The following NUP88 variants were observed in gnomAD, a reference collection of about 807,000 sequenced individuals.
The protein encoded by NUP88 is nucleoporin 88.
A neutral mutation model predicts 93.9 loss-of-function variants in NUP88; 57 were observed. The observed-to-expected ratio is 0.61, with a 90% confidence interval of 0.49 to 0.76. The LOEUF is 0.76. Ranked by LOEUF, NUP88 falls within the 30% of genes least tolerant of loss-of-function variation. NUP88 has a pLI of 0.00. For synonymous variants in NUP88, 346 were observed against 336.8 expected, an observed-to-expected ratio of 1.03 and a Z score of -0.30; for missense variants, 911 against 901.0, an observed-to-expected ratio of 1.01 and a Z score of -0.14.
intron 5 of NUP88, among the ~76,000 whole-genome samples, chr17:5,407,334 G>A (rs1377139530): frequency 6.6e-6 from 1 of 152,170 alleles, no homozygotes; most frequent in Non-Finnish European, 1.5e-5. Flanking sequence ...CACTCCTGAA[G>A]AACCCGGTGA....
At chr17:5,409,613 T>C (rs1175788679) in intron 4 of NUP88, among the ~76,000 whole-genome samples, 1 of 152,192 alleles carries the variant, frequency 6.6e-6, no homozygotes, top group East Asian at 1.9e-4. Context: ...GCACCTACTC[T>C]GTGCCAGGTA....
At chr17:5,388,031 C>T (rs886572560) in intron 11 of NUP88, 127 bp from the exon 12 acceptor site, 19 of 964,798 alleles carry the variant, frequency 2.0e-5, no homozygotes, top group Admixed American at 1.8e-4. Flanking sequence ...GATGCAGTCT[C>T]GCTCTGTCAC....
At chr17:5,389,002 T>C (rs1912239677) in intron 10 of NUP88, 42 bp from the exon 11 acceptor site, 1 of 1,463,988 alleles carries the variant, frequency 6.8e-7, no homozygotes, top group Non-Finnish European at 9.3e-7. Flanking sequence ...CATGGAGTGA[T>C]TTACTGTATT....
chr17:5,394,004 G>A (rs1456608328), intron 9 of NUP88, among the ~76,000 whole-genome samples: 2 of 152,092 alleles, frequency 1.3e-5, no homozygotes, highest in African/African-American at 4.8e-5. Flanking sequence ...CAGAAAAATG[G>A]GACACAGGAG....
intron 9 of NUP88, 103 bp downstream of exon 9, chr17:5,394,786 ACT>A: frequency 1.3e-6 from 1 of 774,622 alleles, no homozygotes; most frequent in Non-Finnish European, 2.2e-6. Context: ...CTTTCAAATG[ACT>A]CAGCAGTGAA....
At chr17:5,407,513 C>G (rs1208648855) in intron 5 of NUP88, among the ~76,000 whole-genome samples, 1 of 152,190 alleles carries the variant, frequency 6.6e-6, no homozygotes, top group Non-Finnish European at 1.5e-5. Context: ...CGAATAAACT[C>G]TAATGCTCAG....
Position 5,419,337 on chromosome 17 carries a change from G to A in NUP88, c.297+17C>T. The A allele has an allele frequency of 1.3e-6, 2 of 1,540,428 alleles. No individual in the cohort carries two copies. The highest frequency in any genetic ancestry group is 2.8e-5 in the African/African-American group (2 of 71,894). The stretch of plus-strand genomic sequence containing the variant: ...CGATCCCGGTGAGGGTCACTTCCAA[G>A]ATCGGCCTGGCATTACCTGGTACTG... On this transcript the variant is annotated intron_variant, in intron 1 of 16. Coordinates refer to ENST00000573584, the MANE Select transcript of NUP88 (RefSeq NM_002532.6).
intron 5 of NUP88, among the ~76,000 whole-genome samples, chr17:5,406,296 T>C (rs1913484969): frequency 6.6e-6 from 1 of 152,112 alleles, no homozygotes; most frequent in Non-Finnish European, 1.5e-5. Flanking sequence ...TTATGCAAAG[T>C]CCTGGAAACA....
At position 5,387,424 on chromosome 17, in the gene NUP88, A is replaced by T; in HGVS notation, c.1878T>A (p.Tyr626Ter). ...CCTCTTGTTTTTCTTTAGCTTCCTC[A>T]TATTTGTCAGCTAAACGCTCAGCCA... Reference protein sequence around the residue: ...REMAERLADKYEEAKEKQEDI... With the variant: ...REMAERLADK Residue 626 changes from tyrosine (Y) to a stop codon, truncating the protein, a stop_gained, in exon 14 of 17, where the codon TAT becomes TAA. Transcript: ENST00000573584. LOFTEE classifies it high-confidence loss of function. 1 of 1,614,118 alleles carries T rather than the reference A, an allele frequency of 6.2e-7. No homozygotes were observed. Among genetic ancestry groups the T allele is most frequent in the Non-Finnish European group, 8.5e-7 (1 of 1,180,014 alleles).
At position 5,388,823 on chromosome 17, in the gene NUP88, A is replaced by C. The variant is rs1912221904; in HGVS notation, c.1622T>G (p.Val541Gly). 6.2e-7 allele frequency: 1 copy of C among 1,614,038 alleles called. No individual in the cohort carries two copies. Among genetic ancestry groups the C allele is most frequent in the South Asian group, 1.1e-5 (1 of 91,050 alleles). ...ATACTTCAAAAATGCTGGATTGGCA[A>C]CACTACGTTGCAAAATGCTTCTAAT... ...KHIRSILQRS[V>G]ANPAFLKASE... is the part of the protein sequence containing the mutation. Residue 541 changes from valine to glycine, a missense_variant, in exon 11 of 17, where the codon GTT (valine) becomes GGT (glycine). Coordinates refer to ENST00000573584, the MANE Select transcript of NUP88 (RefSeq NM_002532.6).
Position 5,386,182 on chromosome 17 carries a change from GGT to G in NUP88, c.*22_*23del, listed in dbSNP as rs1491112328. On this transcript the variant is annotated 3_prime_UTR_variant, in exon 17 of 17. Transcript: ENST00000573584. ...TAAGCCTTCAATGGTGTTCAGTTCAGGTGTGAGTCAGCTCCTGGTGGTGTCAG... is the reference window on the plus strand; with the variant it reads ...TAAGCCTTCAATGGTGTTCAGTTCAGGTGAGTCAGCTCCTGGTGGTGTCAG... 1 of 1,589,358 alleles carries G rather than the reference GGT, an allele frequency of 6.3e-7. No homozygotes were observed. The highest frequency in any genetic ancestry group is 1.3e-5 in the African/African-American group (1 of 74,298).
intron 2 of NUP88, among the ~76,000 whole-genome samples, chr17:5,414,495 C>T (rs72839518): frequency 0.013 from 1,982 of 152,242 alleles, 19 homozygotes; most frequent in Non-Finnish European, 0.022. Context: ...ACGCCAGGCC[C>T]TGAAGAAATT....
chr17:5,419,645 C>T lies in NUP88; in HGVS notation c.6G>A (p.Ala2=). 1 of 1,587,616 alleles carries T rather than the reference C, an allele frequency of 6.3e-7. No homozygotes were observed. Among genetic ancestry groups the T allele is most frequent in the Non-Finnish European group, 8.6e-7 (1 of 1,166,708 alleles). Residue 2 remains alanine (A), a synonymous_variant, in exon 1 of 17, where the codon GCG becomes GCA. Coordinates refer to ENST00000573584, the MANE Select transcript of NUP88 (RefSeq NM_002532.6). M[A]AAEGPVGDGE... ...CGTCGCCCACCGGTCCCTCGGCGGC[C>T]GCCATCTTGGCCCAACTGCTCCCCT...
At chr17:5,403,596 G>A (rs2151641935) in intron 7 of NUP88, among the ~76,000 whole-genome samples, 1 of 152,212 alleles carries the variant, frequency 6.6e-6, no homozygotes, top group South Asian at 2.1e-4. Flanking sequence ...GGAGATGGAG[G>A]TTGCAGTGAG....
chr17:5,398,011 A>T (rs982670533), intron 8 of NUP88, among the ~76,000 whole-genome samples: 3 of 150,492 alleles, frequency 2.0e-5, no homozygotes, highest in Non-Finnish European at 4.4e-5. Flanking sequence ...GGTTCAAGCG[A>T]TTCTCCTGTC....
rs769164896 is a variant in NUP88, at chr17:5,386,167, A to G, written c.*39T>C. Reference sequence around the variant, plus strand: ...TTTACAATATGGGTTTAAGCCTTCAATGGTGTTCAGTTCAGGTGTGAGTCA... The same window carrying G: ...TTTACAATATGGGTTTAAGCCTTCAGTGGTGTTCAGTTCAGGTGTGAGTCA... On this transcript the variant is annotated 3_prime_UTR_variant, in exon 17 of 17. Transcript: ENST00000573584. 8.6e-6 allele frequency: 13 copies of G among 1,512,174 alleles called. No individual in the cohort carries two copies. Among genetic ancestry groups the G allele is most frequent in the Admixed American group, 3.7e-5 (2 of 54,520 alleles). 93.7% of individuals were successfully genotyped at this position (1,512,174 alleles called of 1,614,324 possible).
Position 5,387,092 on chromosome 17 carries a change from GT to G in NUP88, c.1934del (p.His645ProfsTer17). 2 of 1,613,738 alleles carry G rather than the reference GT, an allele frequency of 1.2e-6. No homozygotes were observed. The highest frequency in any genetic ancestry group is 1.3e-5 in the African/African-American group (1 of 75,026). On this transcript the variant is annotated frameshift_variant, in exon 15 of 17. Transcript: ENST00000573584. LOFTEE classifies it high-confidence loss of function. ...GAACTGGGAGCTCAGAGTGAAAACT[GT>G]GAAGTAGTTTTTTCATCCTTTAGAA... is the stretch of plus-strand genomic sequence containing the variant. ...DIMNRMKKLL[H>X]SFHSELPVLS...
rs1396162133 is a variant in NUP88, at chr17:5,387,643, C to CT, written c.1796dup (p.Lys600GlufsTer21). On this transcript the variant is annotated frameshift_variant, in exon 13 of 17. Transcript: ENST00000573584. LOFTEE classifies it high-confidence loss of function. ...AATAACTGAGATCTTCTAGTTGTTT[C>CT]TTTTTTTGGTCACATAATAATTTGA... The CT allele has an allele frequency of 1.2e-6, 2 of 1,612,956 alleles. No individual in the cohort carries two copies. Among genetic ancestry groups the CT allele is most frequent in the Non-Finnish European group, 1.7e-6 (2 of 1,179,546 alleles).
At chr17:5,391,719 G>T in intron 9 of NUP88, 57 bp from the exon 10 acceptor site, 1 of 1,428,522 alleles carries the variant, frequency 7.0e-7, no homozygotes, top group Non-Finnish European at 9.9e-7. Context: ...GGAACCAAGA[G>T]CAAAGACATG....
Sources: gnomAD v4.1 joint callset for allele counts (sites outside exome capture counted in the v4.1 genomes callset) on GRCh38, gnomAD v4.1.1 for gene constraint, MANE v1.5 for transcripts, NCBI Gene and HGNC (gene_info 2026-07-23, HGNC 2026-07-21) for gene names.